Variants in TMEM209 observed in about 807,000 individuals in gnomAD.
TMEM209 encodes the protein transmembrane protein 209, also known as testicular tissue protein Li 202.
TMEM209 carries 65 observed loss-of-function variants against 76.2 expected under a neutral mutation model. The ratio of observed to expected loss-of-function variants is 0.85; its 90% CI spans 0.70 to 1.05. TMEM209 has a LOEUF of 1.05. TMEM209 is among the 50% of genes least tolerant of loss of function. The pLI is 0.00. For synonymous variants in TMEM209, 239 were observed against 237.6 expected (o/e 1.01, Z -0.06); for missense variants, 623 against 685.5 (o/e 0.91, Z 1.02).
rs1407541383 is a variant in TMEM209 at position 130,184,259 on chromosome 7, T to C, written c.952-4A>G. On this transcript the variant is annotated splice_region_variant and splice_polypyrimidine_tract_variant and intron_variant, in intron 7 of 14. Coordinates refer to ENST00000397622, the MANE Select transcript of TMEM209 (RefSeq NM_032842.4). ...TCATAGCCACTCTTGCCCAGACCTATAAAAATTCATGTTTAAAATGAACAA... is the reference window on the plus strand; with the variant it reads ...TCATAGCCACTCTTGCCCAGACCTACAAAAATTCATGTTTAAAATGAACAA... The C allele has an allele frequency of 2.5e-6, 4 of 1,592,056 alleles. No individual in the cohort carries two copies. Among genetic ancestry groups the C allele is most frequent in the Middle Eastern group, 1.7e-4 (1 of 6,020 alleles).
At chr7:130,178,286 G>T in intron 10 of TMEM209, 116 bp downstream of exon 10, 1 of 1,006,426 alleles carries the variant, frequency 9.9e-7, no homozygotes. Context: ...TAATTAATAC[G>T]TATTTATAAG....
chr7:130,176,039 A>G (rs1797224957), intron 10 of TMEM209, among the ~76,000 whole-genome samples: 1 of 152,166 alleles, frequency 6.6e-6, no homozygotes, highest in Non-Finnish European at 1.5e-5. Flanking sequence ...GTGTATATAT[A>G]TGTGGAAAGA....
At chr7:130,188,207 G>A (rs1797665729) in intron 6 of TMEM209, among the ~76,000 whole-genome samples, 1 of 152,048 alleles carries the variant, frequency 6.6e-6, no homozygotes, top group African/African-American at 2.4e-5. Flanking sequence ...TGAGTCCACA[G>A]TGACTAAACC....
At position 130,173,645 on chromosome 7, in the gene TMEM209, T is replaced by C. The variant is rs751724176; in HGVS notation, c.1544A>G (p.Tyr515Cys). 2.5e-6 allele frequency: 4 copies of C among 1,612,286 alleles called. No individual in the cohort carries two copies. The Admixed American group carries it at 6.7e-5, about 27-fold the overall frequency. The change falls in exon 13 of 15, where the codon TAC (tyrosine) becomes TGC (cysteine). Residue 515 changes from tyrosine to cysteine, a missense_variant. Transcript: ENST00000397622. ...ATATAGAAATACCTTTGGCAGGTTG[T>C]ATACATGACGCTGGTAGATGAGCTC... The part of the protein sequence containing the change: ...HYELIYQRHV[Y>C]NLPKGRNNMF...
chr7:130,196,807 T>C (rs1056654785), intron 5 of TMEM209, among the ~76,000 whole-genome samples: 3 of 152,200 alleles, frequency 2.0e-5, no homozygotes, highest in African/African-American at 7.2e-5. Flanking sequence ...ACAAAGCCTG[T>C]GGCATTTTTT....
intron 5 of TMEM209, among the ~76,000 whole-genome samples, chr7:130,196,363 T>C (rs946909979): frequency 3.3e-5 from 5 of 152,034 alleles, no homozygotes; most frequent in African/African-American, 7.2e-5. Context: ...TGTATTTCAT[T>C]AACTTTTCTA....
chr7:130,183,268 CAA>C (rs1045454611), intron 8 of TMEM209, among the ~76,000 whole-genome samples: 1 of 152,068 alleles, frequency 6.6e-6, no homozygotes, highest in Non-Finnish European at 1.5e-5. Context: ...ACAAATGGTA[CAA>C]AAGAGTACAG....
At chr7:130,181,943 T>TC in intron 8 of TMEM209, 1 of 392,230 alleles carries the variant, frequency 2.5e-6, no homozygotes, top group Non-Finnish European at 4.7e-6. Context: ...TAACTTACAT[T>TC]CCTTTTTTTT....
At position 130,202,075 on chromosome 7, in the gene TMEM209, A is replaced by C; in HGVS notation, c.348T>G (p.Pro116=). 1 of 1,613,154 alleles carries C rather than the reference A, an allele frequency of 6.2e-7. No homozygotes were observed. The highest frequency in any genetic ancestry group is 8.5e-7 in the Non-Finnish European group (1 of 1,179,546). Residue 116 remains proline, a synonymous_variant, in exon 5 of 15, where the codon CCT becomes CCG. Transcript: ENST00000397622. ...GLKTAVVQTT[P]PHDLAATQIP... is the part of the protein sequence containing the mutation. Reference sequence around the variant, plus strand: ...TTTGGGTTGCTGCCAGATCATGTGGAGGCGTAGTCTGTACAACTAGAAGGA... The same window carrying C: ...TTTGGGTTGCTGCCAGATCATGTGGCGGCGTAGTCTGTACAACTAGAAGGA...
chr7:130,179,857 G>A (rs1797352243), intron 9 of TMEM209, among the ~76,000 whole-genome samples: 1 of 152,152 alleles, frequency 6.6e-6, no homozygotes, highest in African/African-American at 2.4e-5. Context: ...CCAGCTACTT[G>A]GATGCGGCTG....
chr7:130,201,997 A>G lies in TMEM209; in HGVS notation c.426T>C (p.Tyr142=), dbSNP rs1026833893. ...PSIQGQSVLS[Y]SPSRSPSTSP... Reference sequence around the variant, plus strand: ...TGGTACTGGGCGAACGAGAAGGGCTATAACTCAACACACTCTGACCCTGAA... The same window carrying G: ...TGGTACTGGGCGAACGAGAAGGGCTGTAACTCAACACACTCTGACCCTGAA... The change falls in exon 5 of 15, where the codon TAT becomes TAC. Residue 142 remains tyrosine (Y), a synonymous_variant. Transcript: ENST00000397622. 5.0e-6 allele frequency: 8 copies of G among 1,613,868 alleles called. No homozygotes were observed. The African/African-American group carries it at 6.7e-5, about 13-fold the overall frequency.
At chr7:130,179,430 C>G (rs1332920672) in intron 9 of TMEM209, among the ~76,000 whole-genome samples, 2 of 152,122 alleles carry the variant, frequency 1.3e-5, no homozygotes, top group Non-Finnish European at 2.9e-5. Context: ...AAAAGACACA[C>G]AATTGTTTTC....
At chr7:130,170,102 T>TA (rs575281140) in intron 14 of TMEM209, among the ~76,000 whole-genome samples, 21 of 150,540 alleles carry the variant, frequency 1.4e-4, no homozygotes, top group African/African-American at 2.7e-4. Flanking sequence ...CTCCAGATTT[T>TA]AAAAAAAAAA....
chr7:130,172,151 A>G (rs184221308), intron 13 of TMEM209, among the ~76,000 whole-genome samples: 131 of 151,928 alleles, frequency 8.6e-4, no homozygotes, highest in Non-Finnish European at 4.6e-4. Flanking sequence ...GACTACCTCA[A>G]AAAAAAAGTA....
intron 5 of TMEM209, 174 bp downstream of exon 5, chr7:130,201,676 T>C: frequency 1.2e-6 from 1 of 806,500 alleles, no homozygotes; most frequent in Non-Finnish European, 1.9e-6. Context: ...TTTTTCTCTT[T>C]CATTTTAAGA....
rs1796882230 is a variant in TMEM209, at chr7:130,166,351, T to G, written c.*100A>C. ...CTAAAGAGTCTGTAACATACACCCA[T>G]GTGTATTTTATTTCAGAAGAGTCAG... On this transcript the variant is annotated 3_prime_UTR_variant, in exon 15 of 15. Transcript: ENST00000397622. 1.2e-6 allele frequency: 1 copy of G among 865,734 alleles called. No individual in the cohort carries two copies. The highest frequency in any genetic ancestry group is 1.8e-5 in the South Asian group (1 of 54,290). 53.6% of individuals were successfully genotyped at this position (865,734 alleles called of 1,614,324 possible). A position where few individuals can be genotyped will look rare whatever the true frequency, so the allele number is the denominator to read the frequency against.
chr7:130,188,243 A>G (rs1389221553), intron 6 of TMEM209, among the ~76,000 whole-genome samples: 1 of 152,232 alleles, frequency 6.6e-6, no homozygotes, highest in Non-Finnish European at 1.5e-5. Flanking sequence ...GGGGTAAAAC[A>G]GAATGCTCCT....
chr7:130,204,403 G>A (rs749045798), intron 1 of TMEM209, among the ~76,000 whole-genome samples: 1 of 152,190 alleles, frequency 6.6e-6, no homozygotes, highest in Non-Finnish European at 1.5e-5. Context: ...ATGCAGTGGC[G>A]CGATCTCGAC....
chr7:130,192,670 C>T lies in TMEM209; in HGVS notation c.727G>A (p.Asp243Asn). Reference protein sequence around the residue: ...EDYMTDLRTLDTFLRSEEEKQ... With the variant: ...EDYMTDLRTLNTFLRSEEEKQ... ...TCCTCTTCACTTCTGAGAAAAGTAT[C>T]CAAAGTTCGTAGGTCGGTCATGTAG... Residue 243 changes from aspartate (D) to asparagine (N), a missense_variant, in exon 6 of 15, where the codon GAT (aspartate) becomes AAT (asparagine). Asp to Asn is a conservative substitution (Grantham distance 23). Transcript: ENST00000397622. The T allele has an allele frequency of 1.2e-6, 2 of 1,613,644 alleles. No homozygotes were observed. The highest frequency in any genetic ancestry group is 1.7e-4 in the Middle Eastern group (1 of 6,054).
Sources: allele counts gnomAD v4.1 joint callset (sites outside exome capture counted in the v4.1 genomes callset), GRCh38; gene constraint gnomAD v4.1.1; transcripts MANE v1.5; gene names NCBI Gene and HGNC (gene_info 2026-07-23, HGNC 2026-07-21).